Variants in CDC45 observed in about 807,000 individuals in gnomAD.
CDC45 encodes the protein cell division cycle 45.
In CDC45, 54 loss-of-function variants were observed where a neutral mutation model predicts 77.8. That is an observed-to-expected ratio of 0.69 (90% CI 0.56 to 0.87). The LOEUF is 0.87. Among genes scored for constraint, CDC45 ranks in the 40% least tolerant of loss-of-function variants. The pLI, the probability that CDC45 is intolerant of heterozygous loss-of-function variation, is 0.00. For synonymous variants in CDC45, 260 were observed against 272.1 expected (o/e 0.96, Z 0.44); for missense variants, 649 against 721.6 (o/e 0.90, Z 1.15).
Position 19,499,660 on chromosome 22 carries a change from T to C in CDC45, c.704+509T>C, listed in dbSNP as rs1469986022. ...CCTCAGTGGTGGGCTCCCCATCTGA[T>C]AGACTGACGGTGAGCTGCAAGGCTG... On this transcript the variant is annotated intron_variant, in intron 9 of 18. Coordinates refer to ENST00000263201, the MANE Select transcript of CDC45 (RefSeq NM_003504.5). 2.0e-5 allele frequency among the ~76,000 whole-genome samples: 3 copies of C among 152,192 alleles called. No individual in the cohort carries two copies. In the East Asian group the frequency reaches 5.8e-4, roughly 29 times the overall value.
At chr22:19,481,166 G>A in intron 3 of CDC45, 121 bp downstream of exon 3, 2 of 613,424 alleles carry the variant, frequency 3.3e-6, no homozygotes, top group South Asian at 2.3e-5. Context: ...TAGGCAATAT[G>A]GAAGAGAAAA....
At chr22:19,508,282 G>T (rs146266434) in intron 12 of CDC45, among the ~76,000 whole-genome samples, 6 of 152,296 alleles carry the variant, frequency 3.9e-5, no homozygotes, top group African/African-American at 1.4e-4. Context: ...GCATGCTAAG[G>T]TGTGAGAGAG....
At chr22:19,505,286 G>C (rs1933101821) in intron 9 of CDC45, 76 bp from the exon 10 acceptor site, 24 of 1,590,982 alleles carry the variant, frequency 1.5e-5, no homozygotes, top group Non-Finnish European at 2.0e-5. Context: ...CCTTGAGCGG[G>C]AATGGAGCCT....
intron 13 of CDC45, among the ~76,000 whole-genome samples, chr22:19,512,849 A>C (rs1398376424): frequency 1.3e-5 from 2 of 152,136 alleles, no homozygotes; most frequent in African/African-American, 4.8e-5. Context: ...GAAAAGGTTT[A>C]TTTGCCTCAT....
chr22:19,494,403 G>C, intron 6 of CDC45, 21 bp downstream of exon 6: 6 of 1,612,554 alleles, frequency 3.7e-6, no homozygotes, highest in Non-Finnish European at 5.1e-6. Flanking sequence ...GCTTCCAGCT[G>C]CTCCCAGCAC....
chr22:19,497,282 AG>A (rs1238068159), intron 7 of CDC45, 103 bp from the exon 8 acceptor site: 1 of 975,166 alleles, frequency 1.0e-6, no homozygotes, highest in Non-Finnish European at 1.6e-6. Flanking sequence ...CTCCATCCGC[AG>A]GGGTTTGCCA....
intron 9 of CDC45, 145 bp from the exon 10 acceptor site, chr22:19,505,217 G>A: frequency 1.2e-6 from 1 of 851,692 alleles, no homozygotes; most frequent in South Asian, 1.6e-5. Context: ...TATGCAGGCT[G>A]CATGTCCTTA....
At chr22:19,510,061 A>C (rs568429112) in intron 13 of CDC45, among the ~76,000 whole-genome samples, 1 of 152,156 alleles carries the variant, frequency 6.6e-6, no homozygotes, top group African/African-American at 2.4e-5. Flanking sequence ...TCCCAGTCTC[A>C]AGCAATCTTC....
Position 19,496,028 on chromosome 22 carries a change from C to T in CDC45, c.590C>T (p.Ser197Leu), listed in dbSNP as rs906543038. The change falls in exon 7 of 19, where the codon TCG becomes TTG. Residue 197 changes from serine to leucine, a missense_variant and splice_region_variant. Coordinates refer to ENST00000263201, the MANE Select transcript of CDC45 (RefSeq NM_003504.5). ...GAGCAGTATGAATATCATGGGACAT[C>T]GGTAAGTATGAATAGGTGGAACTCA... Reference protein sequence around the residue: ...DYEQYEYHGTSSAMVMFELAW... With the variant: ...DYEQYEYHGTLSAMVMFELAW... 7 of 1,599,404 alleles carry T rather than the reference C, an allele frequency of 4.4e-6. No homozygotes were observed. The highest frequency in any genetic ancestry group is 6.0e-6 in the Non-Finnish European group (7 of 1,166,884).
chr22:19,505,947 T>C (rs1486681382), intron 10 of CDC45, among the ~76,000 whole-genome samples: 1 of 152,072 alleles, frequency 6.6e-6, no homozygotes, highest in Non-Finnish European at 1.5e-5. Context: ...GCTGGGGGAC[T>C]GGCTGGGGTC....
At chr22:19,493,671 T>G (rs1363445028) in intron 5 of CDC45, among the ~76,000 whole-genome samples, 2 of 152,170 alleles carry the variant, frequency 1.3e-5, no homozygotes, top group Admixed American at 6.5e-5. Flanking sequence ...CTTTAACTCC[T>G]GACCTCATGT....
At chr22:19,493,324 T>C (rs1196942690) in intron 5 of CDC45, among the ~76,000 whole-genome samples, 1 of 152,110 alleles carries the variant, frequency 6.6e-6, no homozygotes, top group Non-Finnish European at 1.5e-5. Flanking sequence ...AACTCTGGCA[T>C]ATATGAACCA....
At chr22:19,479,811 A>G (rs2089942705), upstream of CDC45, 2 of 752,050 alleles carry the variant, frequency 2.7e-6, no homozygotes, top group South Asian at 1.6e-5. Context: ...GCCGCCTCCA[A>G]TGTGGCCCAA....
upstream of CDC45, chr22:19,479,471 G>T: frequency 1.6e-6 from 1 of 630,718 alleles, no homozygotes; most frequent in Admixed American, 2.2e-5. Flanking sequence ...TACCCAGACT[G>T]CCTCTGCTTC....
At chr22:19,517,923 A>G (rs1179358825) in intron 17 of CDC45, among the ~76,000 whole-genome samples, 1 of 152,208 alleles carries the variant, frequency 6.6e-6, no homozygotes, top group Non-Finnish European at 1.5e-5. Context: ...CTGAGAAAGG[A>G]TATTTTCTTG....
chr22:19,480,236 A>G lies in CDC45; in HGVS notation c.111+19A>G, dbSNP rs549095792. The G allele has an allele frequency of 1.9e-6, 3 of 1,611,950 alleles. No homozygotes were observed. Among genetic ancestry groups the G allele is most frequent in the South Asian group, 2.2e-5 (2 of 91,042 alleles). ...CCTTCAGGTGAGTTCTGCGGACCCTAGGAGGGCGGGGCCGGCGCGCGAGGT... is the reference window on the plus strand; with the variant it reads ...CCTTCAGGTGAGTTCTGCGGACCCTGGGAGGGCGGGGCCGGCGCGCGAGGT... On this transcript the variant is annotated intron_variant, in intron 2 of 18. Transcript: ENST00000263201.
chr22:19,497,908 T>C (rs1217649090), intron 8 of CDC45, among the ~76,000 whole-genome samples: 2 of 151,424 alleles, frequency 1.3e-5, no homozygotes, highest in African/African-American at 2.4e-5. Context: ...AAAAAAAAAA[T>C]TGTCTGGGCA....
intron 12 of CDC45, 36 bp from the exon 13 acceptor site, chr22:19,508,494 A>G (rs1034989628): frequency 5.0e-6 from 8 of 1,612,938 alleles, no homozygotes; most frequent in Non-Finnish European, 6.8e-6. Flanking sequence ...CTTGCCCACA[A>G]TTTGAGGGTG....
chr22:19,496,525 G>A (rs754115803), intron 7 of CDC45, among the ~76,000 whole-genome samples: 14 of 152,088 alleles, frequency 9.2e-5, no homozygotes, highest in Non-Finnish European at 1.3e-4. Flanking sequence ...TTTAATACTG[G>A]GACCTTGAAC....
Sources: gnomAD v4.1 joint callset for allele counts (sites outside exome capture counted in the v4.1 genomes callset) on GRCh38, gnomAD v4.1.1 for gene constraint, MANE v1.5 for transcripts, NCBI Gene and HGNC (gene_info 2026-07-23, HGNC 2026-07-21) for gene names.